Variants in CDCP2 observed in about 807,000 individuals in gnomAD.
CDCP2 encodes CUB domain containing protein 2, also known as CUB domain-containing protein 2.
Under a neutral mutation model 31.0 loss-of-function variants are expected in CDCP2, and 31 were observed. That is an observed-to-expected ratio of 1.00 (90% CI 0.75 to 1.35). The LOEUF (loss-of-function observed/expected upper bound fraction) is 1.35. Ranked by LOEUF, CDCP2 falls within the 40% of genes most tolerant of loss-of-function variation. The pLI, the probability that CDCP2 is intolerant of heterozygous loss-of-function variation, is 0.00. For synonymous variants in CDCP2, 206 were observed against 207.9 expected (o/e 0.99, Z 0.08); for missense variants, 443 against 482.6 (o/e 0.92, Z 0.77).
chr1:54,139,955 C>CTCCAGG (rs1659334203), exon 4 of CDCP2: 3 of 1,614,208 alleles, frequency 1.9e-6, no homozygotes, highest in Non-Finnish European at 2.5e-6. Context: ...TGTTGGGCTC[C>CTCCAGG]TCCAGGTCCA....
upstream of CDCP2, chr1:54,152,933 G>C: frequency 6.2e-7 from 1 of 1,613,800 alleles, no homozygotes; most frequent in South Asian, 1.1e-5. Flanking sequence ...CTCCTCACCA[G>C]GGGCCCCCAC....
chr1:54,140,194 C>T (rs2100423095), intron 3 of CDCP2, 88 bp from the exon 4 acceptor site: 1 of 1,259,822 alleles, frequency 7.9e-7, no homozygotes, highest in Non-Finnish European at 1.1e-6. Flanking sequence ...CAGCAGGTGC[C>T]ACAGTGGTCC....
In CDCP2 at chr1:54,141,194, G is replaced by C. The variant is rs202201685; in HGVS notation, c.667C>G (p.Pro223Ala). The change falls in exon 3 of 6, where the codon CCC becomes GCC. Residue 223 changes from proline (P) to alanine (A), a missense_variant. By Grantham distance (27) the Pro-to-Ala change is conservative. Transcript: ENST00000530059. ...TGGCCCAGAGACACGAGGGTGGGGG[G>C]CCTGGTGCTGCCACAGTAGTGGTGC... is the stretch of plus-strand genomic sequence containing the variant. 220 of 1,600,342 alleles carry C rather than the reference G, an allele frequency of 1.4e-4. No homozygotes were observed. The highest frequency in any genetic ancestry group is 1.8e-4 in the Non-Finnish European group (207 of 1,172,000).
intron 5 of CDCP2, among the ~76,000 whole-genome samples, chr1:54,133,805 A>G (rs1039093142): frequency 5.3e-5 from 8 of 152,120 alleles, no homozygotes; most frequent in East Asian, 1.9e-4. Flanking sequence ...CTGAGGCACG[A>G]GAATGGCATG....
At chr1:54,137,955 C>G (rs1189340843) in intron 4 of CDCP2, 1 of 151,692 alleles carries the variant, frequency 6.6e-6, no homozygotes, top group Non-Finnish European at 1.5e-5. Flanking sequence ...AGTGGGGAGG[C>G]CTCCTGCAGC....
intron 5 of CDCP2, among the ~76,000 whole-genome samples, chr1:54,135,779 A>T (rs759332496): frequency 6.6e-6 from 1 of 151,752 alleles, no homozygotes; most frequent in Non-Finnish European, 1.5e-5. Context: ...GGGCAGGCAG[A>T]GGGTGGCCTG....
exon 4 of CDCP2, chr1:54,139,783 G>T: frequency 6.2e-7 from 1 of 1,614,082 alleles, no homozygotes. Context: ...AAGCCCCTGC[G>T]GGTGGTGCTG....
At chr1:54,142,866 C>A (rs1439533569) in intron 2 of CDCP2, 1 of 152,200 alleles carries the variant, frequency 6.6e-6, no homozygotes, top group Non-Finnish European at 1.5e-5. Context: ...GTGCAAATTT[C>A]ATTCTTATGC....
intron 2 of CDCP2, 30 bp downstream of exon 2, chr1:54,144,436 T>A: frequency 6.5e-7 from 1 of 1,534,866 alleles, no homozygotes; most frequent in African/African-American, 1.4e-5. Context: ...TGTGAGCCAC[T>A]GCAACAGGTC....
intron 2 of CDCP2, 102 bp downstream of exon 2, chr1:54,144,364 C>T (rs1433173893): frequency 5.4e-6 from 6 of 1,105,136 alleles, no homozygotes; most frequent in Non-Finnish European, 7.7e-6. Context: ...CAAATCCCCC[C>T]TTGAACTCCT....
At chr1:54,151,612 G>C (rs982692206) in intron 1 of CDCP2, among the ~76,000 whole-genome samples, 2 of 152,136 alleles carry the variant, frequency 1.3e-5, no homozygotes, top group Non-Finnish European at 2.9e-5. Flanking sequence ...CACCACCCAG[G>C]CATGGGTTGA....
rs1336824830 is a variant in CDCP2, at chr1:54,144,797, A to G, written c.96T>C (p.Gly32=). 3.1e-6 allele frequency: 5 copies of G among 1,610,834 alleles called. No homozygotes were observed. The South Asian group carries it at 3.3e-5, about 11-fold the overall frequency. ...AGTTTCCAGAAGGTGCTGAGAGCAC[A>G]CCCCCACATTTGACACCTGGGGCAA... The change falls in exon 2 of 6, where the codon GGT becomes GGC. Residue 32 remains glycine (G), a synonymous_variant. Coordinates refer to ENST00000530059, the Ensembl canonical transcript of CDCP2.
intron 4 of CDCP2, 88 bp downstream of exon 4, chr1:54,139,665 G>C: frequency 6.2e-7 from 1 of 1,613,746 alleles, no homozygotes; most frequent in Non-Finnish European, 8.5e-7. Flanking sequence ...AGGACAAACT[G>C]GTGGGATGGA....
chr1:54,146,099 A>G (rs532926039), intron 1 of CDCP2, among the ~76,000 whole-genome samples: 18 of 152,292 alleles, frequency 1.2e-4, no homozygotes, highest in African/African-American at 4.1e-4. Context: ...TCATTTTGCA[A>G]TTATTATATA....
At chr1:54,149,725 T>C (rs1161881687) in intron 1 of CDCP2, among the ~76,000 whole-genome samples, 3 of 152,176 alleles carry the variant, frequency 2.0e-5, no homozygotes, top group African/African-American at 4.8e-5. Flanking sequence ...CTGCTCTCTA[T>C]GAGAGCAAGG....
At chr1:54,146,068 TATTAGTA>T (rs1405294857) in intron 1 of CDCP2, among the ~76,000 whole-genome samples, 3 of 152,192 alleles carry the variant, frequency 2.0e-5, no homozygotes, top group South Asian at 2.1e-4. Context: ...GTAAACTTAC[TATTAGTA>T]ATAATATTCA....
chr1:54,147,051 G>C (rs1570069747), intron 1 of CDCP2, among the ~76,000 whole-genome samples: 2 of 116,430 alleles, frequency 1.7e-5, no homozygotes, highest in East Asian at 2.8e-4. Flanking sequence ...ACTCCAGCCT[G>C]GGTGACAGAG....
At chr1:54,141,724 C>A (rs551554459) in intron 2 of CDCP2, 63 of 294,612 alleles carry the variant, frequency 2.1e-4, no homozygotes, top group African/African-American at 1.3e-3. Flanking sequence ...CAGTAGCTTA[C>A]TTGAGTTTGA....
At chr1:54,152,399 G>T (rs914299134) in intron 1 of CDCP2, among the ~76,000 whole-genome samples, 3 of 151,974 alleles carry the variant, frequency 2.0e-5, no homozygotes, top group Non-Finnish European at 4.4e-5. Context: ...GGGAGGTGGA[G>T]GTTGCAGTGA....
Sources: allele counts gnomAD v4.1 joint callset (sites outside exome capture counted in the v4.1 genomes callset), GRCh38; gene constraint gnomAD v4.1.1; transcripts MANE v1.5; gene names NCBI Gene and HGNC (gene_info 2026-07-23, HGNC 2026-07-21).